SLC11A1: variants seen among roughly 807,000 people sequenced by gnomAD.
SLC11A1 encodes the protein solute carrier family 11 member 1.
Under a neutral mutation model 63.2 loss-of-function variants are expected in SLC11A1, and 59 were observed. The observed-to-expected ratio is 0.93, with a 90% CI of 0.76 to 1.16. SLC11A1 has a LOEUF of 1.16. SLC11A1 is among the 50% of genes most tolerant of loss of function. The pLI is 0.00. For missense variants in SLC11A1, 688 were observed against 730.7 expected, an observed-to-expected ratio of 0.94 and a Z score of 0.67; for synonymous variants, 305 against 307.8, an observed-to-expected ratio of 0.99 and a Z score of 0.09.
In SLC11A1 at chr2:218,384,474, G is replaced by A; in HGVS notation, c.273+109G>A. ...TCTCCAATGTGGCCTGGGAGCTGGT[G>A]TTAAGTTCAAATGGGCCCGAAAAGG... is the stretch of plus-strand genomic sequence containing the variant. On this transcript the variant is annotated intron_variant, in intron 3 of 14. Coordinates refer to ENST00000233202, the MANE Select transcript of SLC11A1 (RefSeq NM_000578.4). The surrounding 1 kb of genome is among the most constrained non-coding windows in gnomAD (Gnocchi z 4.0). The A allele has an allele frequency of 2.2e-6, 3 of 1,392,784 alleles. No individual in the cohort carries two copies. Among genetic ancestry groups the A allele is most frequent in the Non-Finnish European group, 2.9e-6 (3 of 1,033,828 alleles). 86.3% of individuals were successfully genotyped at this position (1,392,784 alleles called of 1,614,324 possible).
intron 8 of SLC11A1, among the ~76,000 whole-genome samples, 156 bp from the exon 9 acceptor site, chr2:218,389,714 A>G (rs1372178782): frequency 2.0e-5 from 3 of 152,160 alleles, no homozygotes; most frequent in Non-Finnish European, 4.4e-5. Context: ...ACAGAGATGT[A>G]GGAAACCATC....
chr2:218,382,938 C>T (rs1286633159), intron 1 of SLC11A1, 22 bp from the exon 2 acceptor site: 8 of 1,613,858 alleles, frequency 5.0e-6, no homozygotes, highest in Non-Finnish European at 6.8e-6. Flanking sequence ...GGACACTCAC[C>T]ATGCTTCATG....
chr2:218,390,865 T>A (rs891817378), intron 9 of SLC11A1, among the ~76,000 whole-genome samples: 8 of 151,730 alleles, frequency 5.3e-5, no homozygotes, highest in Non-Finnish European at 1.2e-4. Flanking sequence ...TTTTAAATGT[T>A]GGCAACAAAT....
At chr2:218,390,362 G>A (rs970971839) in intron 9 of SLC11A1, among the ~76,000 whole-genome samples, 4 of 152,060 alleles carry the variant, frequency 2.6e-5, no homozygotes, top group African/African-American at 9.7e-5. Flanking sequence ...TGGGGGTATG[G>A]GGGTGGGGTC....
chr2:218,385,105 G>T, intron 3 of SLC11A1, 42 bp from the exon 4 acceptor site: 1 of 1,610,430 alleles, frequency 6.2e-7, no homozygotes, highest in South Asian at 1.1e-5. Context: ...GCTTTCTGAG[G>T]CTGGCCTCTC....
chr2:218,385,267 G>T lies in SLC11A1; in HGVS notation c.393+1G>T. On this transcript the variant is annotated splice_donor_variant, in intron 4 of 14. Transcript: ENST00000233202. LOFTEE classifies it high-confidence loss of function. ...GGTCTGCCATCTCTACTACCCTAAG[G>T]TGAGCTTGGGGGGCCTGGACAGGGA... 6.2e-7 allele frequency: 1 copy of T among 1,613,880 alleles called. No homozygotes were observed. The highest frequency in any genetic ancestry group is 8.5e-7 in the Non-Finnish European group (1 of 1,179,774).
At position 218,384,133 on chromosome 2, in the gene SLC11A1, A is replaced by C; in HGVS notation, c.151-110A>C. 8.3e-7 allele frequency: 1 copy of C among 1,208,200 alleles called. No homozygotes were observed. The highest frequency in any genetic ancestry group is 2.6e-5 in the Admixed American group (1 of 38,576). The allele number at this position is 1,208,200 out of a possible 1,614,324, so 74.8% of individuals were successfully genotyped here. A position where few individuals can be genotyped will look rare whatever the true frequency, so the allele number is the denominator to read the frequency against. The stretch of plus-strand genomic sequence containing the variant: ...GACCCAGGAATGGGCCATGGAGGGC[A>C]GGGCTGGGCTGATGAGCCTGTTGGG... On this transcript the variant is annotated intron_variant, in intron 2 of 14. Transcript: ENST00000233202. This position sits in a 1 kb window ranked among gnomAD's most constrained non-coding sequence, Gnocchi z 4.0.
At chr2:218,392,077 CCTTT>C in intron 11 of SLC11A1, 2 of 387,850 alleles carry the variant, frequency 5.2e-6, no homozygotes, top group South Asian at 3.6e-5. Context: ...TTCTTTCTTT[CCTTT>C]TTTTTGAGAC....
chr2:218,389,971 C>T lies in SLC11A1; in HGVS notation c.897C>T (p.Asn299=). ...CCCTGTCCGTCTCCTTTATCATCAA[C>T]CTCTTTGTCATGGCTGTCTTTGGGC... ...TIALSVSFII[N]LFVMAVFGQA... The change falls in exon 9 of 15, where the codon AAC becomes AAT. Residue 299 remains asparagine (N), a synonymous_variant. Transcript: ENST00000233202. 1 of 1,614,054 alleles carries T rather than the reference C, an allele frequency of 6.2e-7. No homozygotes were observed. The highest frequency in any genetic ancestry group is 8.5e-7 in the Non-Finnish European group (1 of 1,179,962).
In SLC11A1 at chr2:218,382,307, C is replaced by G; in HGVS notation, c.-62C>G. Reference sequence around the variant, plus strand: ...TGCACCAGTGCCCAGAGAGGGGGTGCAGGCTGAGGAGCTGCCCAGAGCACC... The same window carrying G: ...TGCACCAGTGCCCAGAGAGGGGGTGGAGGCTGAGGAGCTGCCCAGAGCACC... On this transcript the variant is annotated 5_prime_UTR_variant, in exon 1 of 15. Transcript: ENST00000233202. The G allele has an allele frequency of 6.3e-7, 1 of 1,597,926 alleles. No homozygotes were observed. The highest frequency in any genetic ancestry group is 1.1e-5 in the South Asian group (1 of 89,516).
rs546865976 is a variant in SLC11A1, at chr2:218,389,970, A to G, written c.896A>G (p.Asn299Ser). 5.0e-6 allele frequency: 8 copies of G among 1,613,774 alleles called. No homozygotes were observed. In the East Asian group the frequency reaches 1.3e-4, roughly 27 times the overall value. Reference sequence around the variant, plus strand: ...GCCCTGTCCGTCTCCTTTATCATCAACCTCTTTGTCATGGCTGTCTTTGGG... The same window carrying G: ...GCCCTGTCCGTCTCCTTTATCATCAGCCTCTTTGTCATGGCTGTCTTTGGG... Reference protein sequence around the residue: ...TIALSVSFIINLFVMAVFGQA... With the variant: ...TIALSVSFIISLFVMAVFGQA... The change falls in exon 9 of 15, where the codon AAC becomes AGC. Residue 299 changes from asparagine (N) to serine (S), a missense_variant. Transcript: ENST00000233202.
At position 218,393,060 on chromosome 2, in the gene SLC11A1, T is replaced by C; in HGVS notation, c.1244T>C (p.Val415Ala). Residue 415 changes from valine (V) to alanine (A), a missense_variant, in exon 12 of 15, where the codon GTG (valine) becomes GCG (alanine). By Grantham distance (64) the Val-to-Ala change is moderately conservative. Coordinates refer to ENST00000233202, the MANE Select transcript of SLC11A1 (RefSeq NM_000578.4). ...RSCAILPTVL[V>A]AVFRDLRDLS... ...TGCGCCATCCTGCCCACCGTGCTCG[T>C]GGCTGTCTTCCGGGACCTGAGGGAC... The C allele has an allele frequency of 2.5e-6, 4 of 1,599,630 alleles. No individual in the cohort carries two copies. Among genetic ancestry groups the C allele is most frequent in the Non-Finnish European group, 3.4e-6 (4 of 1,176,756 alleles).
intron 6 of SLC11A1, 35 bp downstream of exon 6, chr2:218,387,265 G>T: frequency 6.3e-7 from 1 of 1,575,450 alleles, no homozygotes. Context: ...GGGAGTGGTG[G>T]TGGTGAGGGT....
chr2:218,392,200 A>G (rs1387355746), intron 11 of SLC11A1: 10 of 305,892 alleles, frequency 3.3e-5, no homozygotes, highest in African/African-American at 2.1e-4. Flanking sequence ...CCTCCTGACC[A>G]GCTGGGATTA....
rs975458800 is a variant in SLC11A1 at position 218,395,713 on chromosome 2, A to C, written c.*678A>C. 2.6e-5 allele frequency: 4 copies of C among 152,262 alleles called. No homozygotes were observed. The highest frequency in any genetic ancestry group is 5.9e-5 in the Non-Finnish European group (4 of 68,052). The allele number at this position is 152,262 out of a possible 1,614,324, so 9.4% of individuals were successfully genotyped here. A position where few individuals can be genotyped will look rare whatever the true frequency, so the allele number is the denominator to read the frequency against. On this transcript the variant is annotated 3_prime_UTR_variant, in exon 15 of 15. Transcript: ENST00000233202. ...AGTGATCCGCCCATCTCCGTCTCCC[A>C]AAGTGCTGGGAATTACAGGCGTGAG...
chr2:218,387,336 C>A, intron 6 of SLC11A1, 106 bp downstream of exon 6: 1 of 1,170,886 alleles, frequency 8.5e-7, no homozygotes, highest in Non-Finnish European at 1.2e-6. Context: ...AGCTCCCTCA[C>A]TCTCCCTGGG....
At chr2:218,391,573 CT>C in intron 11 of SLC11A1, 78 bp downstream of exon 11, 1 of 1,388,664 alleles carries the variant, frequency 7.2e-7, no homozygotes, top group Non-Finnish European at 9.6e-7. Context: ...AACTCCGAGC[CT>C]TGTGGGTCCT....
rs201320315 is a variant in SLC11A1, at chr2:218,393,059, G to T, written c.1243G>T (p.Val415Leu). 1 of 1,599,084 alleles carries T rather than the reference G, an allele frequency of 6.3e-7. No homozygotes were observed. The highest frequency in any genetic ancestry group is 8.5e-7 in the Non-Finnish European group (1 of 1,176,510). The change falls in exon 12 of 15, where the codon GTG (valine) becomes TTG (leucine). Residue 415 changes from valine (V) to leucine (L), a missense_variant. Transcript: ENST00000233202. ...CTGCGCCATCCTGCCCACCGTGCTC[G>T]TGGCTGTCTTCCGGGACCTGAGGGA... is the stretch of plus-strand genomic sequence containing the variant. ...RSCAILPTVL[V>L]AVFRDLRDLS...
intron 11 of SLC11A1, 38 bp from the exon 12 acceptor site, chr2:218,392,943 C>G (rs200958024): frequency 1.3e-6 from 2 of 1,533,742 alleles, no homozygotes; most frequent in East Asian, 5.1e-5. Context: ...ATCCCCAGTC[C>G]TGTCTACTCC....
Sources: gnomAD v4.1 joint callset for allele counts (sites outside exome capture counted in the v4.1 genomes callset) on GRCh38, gnomAD v4.1.1 for gene constraint, Gnocchi (gnomAD v3.1) non-coding constraint, MANE v1.5 for transcripts, NCBI Gene and HGNC (gene_info 2026-07-23, HGNC 2026-07-21) for gene names.